AKAP6: variants seen among roughly 807,000 people sequenced by gnomAD.
AKAP6 encodes the protein A-kinase anchor protein 6.
In AKAP6, 58 loss-of-function variants were observed where a neutral mutation model predicts 188.5. The observed-to-expected ratio is 0.31, with a 90% CI of 0.25 to 0.38. The LOEUF (loss-of-function observed/expected upper bound fraction) is 0.38. Among genes scored for constraint, AKAP6 ranks in the 10% least tolerant of loss-of-function variants. The probability of loss-of-function intolerance (pLI) is 1.00; values close to 1 mark genes in which losing one functional copy is unlikely to be tolerated. For missense variants in AKAP6, 2,710 were observed against 2,740.0 expected (o/e 0.99, Z 0.24); for synonymous variants, 989 against 998.6 (o/e 0.99, Z 0.18).
chr14:32,365,712 C>G (rs775812890), intron 1 of AKAP6, among the ~76,000 whole-genome samples: 6 of 152,124 alleles, frequency 3.9e-5, no homozygotes, highest in Admixed American at 1.3e-4. Context: ...CTCTCAGCAG[C>G]CAGTCCAAAC....
intron 2 of AKAP6, among the ~76,000 whole-genome samples, chr14:32,531,358 T>C (rs1033630638): frequency 6.6e-6 from 1 of 152,234 alleles, no homozygotes; most frequent in Non-Finnish European, 1.5e-5. Context: ...TATATAAAAT[T>C]AGTGCTGATG....
chr14:32,492,597 C>G (rs1691334245), intron 2 of AKAP6, among the ~76,000 whole-genome samples: 1 of 151,858 alleles, frequency 6.6e-6, no homozygotes. Flanking sequence ...CAAGAGCTGA[C>G]AGCTATTTAA....
chr14:32,349,433 T>C (rs1311045729), intron 1 of AKAP6, among the ~76,000 whole-genome samples: 1 of 152,210 alleles, frequency 6.6e-6, no homozygotes, highest in Non-Finnish European at 1.5e-5. Context: ...AGACTTCCGG[T>C]CCAGAGGATG....
chr14:32,361,572 T>G (rs1887666830), intron 1 of AKAP6, among the ~76,000 whole-genome samples: 1 of 152,160 alleles, frequency 6.6e-6, no homozygotes, highest in African/African-American at 2.4e-5. Flanking sequence ...AAGTATGATA[T>G]GAGGGAGTAA....
At chr14:32,478,547 T>TA (rs201088452) in intron 2 of AKAP6, among the ~76,000 whole-genome samples, 1,750 of 151,588 alleles carry the variant, frequency 0.012, 15 homozygotes, top group East Asian at 0.026. Context: ...ACCTCTACCA[T>TA]AAAAAAAACA....
intron 11 of AKAP6, among the ~76,000 whole-genome samples, chr14:32,771,521 A>C (rs1449991642): frequency 6.6e-6 from 1 of 152,182 alleles, no homozygotes; most frequent in African/African-American, 2.4e-5. Context: ...TTACAAAAAA[A>C]TTTATGGCCA....
chr14:32,765,557 G>T (rs1003953495), intron 11 of AKAP6, among the ~76,000 whole-genome samples: 1 of 151,922 alleles, frequency 6.6e-6, no homozygotes, highest in Non-Finnish European at 1.5e-5. Context: ...CTATTTCTAG[G>T]AGTAGGACAG....
At position 32,790,809 on chromosome 14, in the gene AKAP6, C is replaced by T. The variant is rs10146066; in HGVS notation, c.3588+16916C>T. 9.2e-3 allele frequency among the ~76,000 whole-genome samples: 1,402 copies of T among 152,198 alleles called. 22 individuals are homozygous for T. The highest frequency in any genetic ancestry group is 0.032 in the African/African-American group (1,333 of 41,532). ...GCAGACCCCGATATGTGATGTTCTG[C>T]TCCCTGTGTCCATGTGTTCTCATTG... On this transcript the variant is annotated intron_variant, in intron 12 of 13. Coordinates refer to ENST00000280979, the MANE Select transcript of AKAP6 (RefSeq NM_004274.5).
At chr14:32,470,318 C>T (rs1878702064) in intron 2 of AKAP6, among the ~76,000 whole-genome samples, 1 of 152,150 alleles carries the variant, frequency 6.6e-6, no homozygotes, top group Admixed American at 6.5e-5. Context: ...ATGTTTCAGG[C>T]ATTTCTTGTA....
At chr14:32,768,299 C>G (rs930141881) in intron 11 of AKAP6, among the ~76,000 whole-genome samples, 4 of 152,150 alleles carry the variant, frequency 2.6e-5, no homozygotes, top group Admixed American at 2.0e-4. Flanking sequence ...AAGTAATCAT[C>G]ATTGTTTTGC....
At chr14:32,626,318 C>T (rs779087200) in intron 7 of AKAP6, among the ~76,000 whole-genome samples, 4 of 152,026 alleles carry the variant, frequency 2.6e-5, no homozygotes, top group Admixed American at 2.6e-4. Context: ...GTGCTAGGGC[C>T]GAGTTATGTC....
intron 5 of AKAP6, among the ~76,000 whole-genome samples, chr14:32,596,573 G>A (rs1489291974): frequency 1.3e-5 from 2 of 152,082 alleles, no homozygotes; most frequent in Admixed American, 6.5e-5. Flanking sequence ...TGTCATCCAG[G>A]AACCAGATTA....
intron 1 of AKAP6, among the ~76,000 whole-genome samples, chr14:32,373,802 G>T (rs1005699751): frequency 1.3e-5 from 2 of 152,158 alleles, no homozygotes; most frequent in African/African-American, 2.4e-5. Context: ...GTTCCATAAG[G>T]TCATTTTTAG....
chr14:32,538,624 A>G (rs543315882), intron 3 of AKAP6, among the ~76,000 whole-genome samples: 1 of 152,336 alleles, frequency 6.6e-6, no homozygotes, highest in South Asian at 2.1e-4. Context: ...AATAAAGAAC[A>G]CTTGAAGGCA....
intron 5 of AKAP6, among the ~76,000 whole-genome samples, chr14:32,578,358 A>G (rs1884820339): frequency 6.6e-6 from 1 of 152,148 alleles, no homozygotes; most frequent in South Asian, 2.1e-4. Flanking sequence ...AAGAATGACA[A>G]AACTGTGTGG....
At chr14:32,365,318 T>C (rs1594544276) in intron 1 of AKAP6, among the ~76,000 whole-genome samples, 1 of 152,180 alleles carries the variant, frequency 6.6e-6, no homozygotes, top group African/African-American at 2.4e-5. Context: ...TTCTGTAGCC[T>C]AGAATGCATT....
chr14:32,676,859 C>T (rs1288027156), intron 7 of AKAP6, among the ~76,000 whole-genome samples: 7 of 152,014 alleles, frequency 4.6e-5, no homozygotes, highest in South Asian at 4.1e-4. Flanking sequence ...ATTGAGAAAG[C>T]GTCTCACTTT....
chr14:32,341,469 A>G (rs1886887898), intron 1 of AKAP6, among the ~76,000 whole-genome samples: 2 of 152,198 alleles, frequency 1.3e-5, no homozygotes, highest in Admixed American at 6.5e-5. Context: ...GTTAGTCTTT[A>G]CTATTTTTAT....
chr14:32,403,404 A>G (rs1241110491), intron 1 of AKAP6: 1 of 152,214 alleles, frequency 6.6e-6, no homozygotes, highest in Non-Finnish European at 1.5e-5. Flanking sequence ...CCTGAAAGAG[A>G]AATGGAGATT....
Sources: gnomAD v4.1 joint callset for allele counts (sites outside exome capture counted in the v4.1 genomes callset) on GRCh38, gnomAD v4.1.1 for gene constraint, MANE v1.5 for transcripts, NCBI Gene and HGNC (gene_info 2026-07-23, HGNC 2026-07-21) for gene names.